LYN: variants seen among roughly 807,000 people sequenced by gnomAD.
The protein encoded by LYN is tyrosine-protein kinase Lyn.
A neutral mutation model predicts 65.0 loss-of-function variants in LYN; 12 were observed. The ratio of observed to expected loss-of-function variants is 0.18; its 90% CI spans 0.12 to 0.30. LYN has a LOEUF of 0.30. LYN is among the 10% of genes least tolerant of loss of function. The probability of loss-of-function intolerance (pLI) is 1.00; values close to 1 mark genes in which losing one functional copy is unlikely to be tolerated. For missense variants in LYN, 380 were observed against 623.2 expected, an observed-to-expected ratio of 0.61 and a Z score of 4.16; for synonymous variants, 222 against 221.2, an observed-to-expected ratio of 1.00 and a Z score of -0.03.
chr8:55,881,983 G>T (rs191169326), intron 1 of LYN, among the ~76,000 whole-genome samples: 2 of 152,178 alleles, frequency 1.3e-5, no homozygotes, highest in Non-Finnish European at 2.9e-5. Flanking sequence ...AAATAGAGCT[G>T]GTCCCTAAGG....
At chr8:55,960,397 TAGA>T (rs1271144351) in intron 8 of LYN, among the ~76,000 whole-genome samples, 1 of 152,006 alleles carries the variant, frequency 6.6e-6, no homozygotes, top group East Asian at 1.9e-4. Flanking sequence ...GAAAAGAAAA[TAGA>T]AGAGAAAAAA....
At chr8:55,997,986 A>G (rs1297844369) in intron 10 of LYN, among the ~76,000 whole-genome samples, 1 of 152,190 alleles carries the variant, frequency 6.6e-6, no homozygotes, top group Non-Finnish European at 1.5e-5. Context: ...CGGGAGGCTG[A>G]GGCAGGAGAA....
chr8:55,904,239 C>T (rs1371584648), intron 1 of LYN, among the ~76,000 whole-genome samples: 4 of 152,082 alleles, frequency 2.6e-5, no homozygotes, highest in African/African-American at 9.7e-5. Flanking sequence ...TAAATACCAA[C>T]ATTTTCTTTA....
intron 8 of LYN, among the ~76,000 whole-genome samples, chr8:55,965,002 T>C (rs1272672700): frequency 6.6e-6 from 1 of 151,404 alleles, no homozygotes; most frequent in Non-Finnish European, 1.5e-5. Context: ...AGATTTGCAG[T>C]GACACCAGCA....
chr8:55,886,241 C>CTTTCT (rs1804788141), intron 1 of LYN, among the ~76,000 whole-genome samples: 1 of 133,456 alleles, frequency 7.5e-6, no homozygotes, highest in Admixed American at 7.8e-5. Context: ...TGTCAAACAT[C>CTTTCT]TTTTTTTTTT....
intron 1 of LYN, among the ~76,000 whole-genome samples, chr8:55,912,651 T>C (rs764102106): frequency 1.2e-4 from 18 of 150,214 alleles, no homozygotes; most frequent in Non-Finnish European, 2.7e-4. Flanking sequence ...CTCTTGAACC[T>C]GGGAGGCAGA....
chr8:55,895,772 T>G (rs1262494497), intron 1 of LYN: 4 of 152,214 alleles, frequency 2.6e-5, no homozygotes, highest in Non-Finnish European at 5.9e-5. Context: ...ATCCAGTTGT[T>G]GCAAGGATTA....
chr8:56,010,115 C>A lies in LYN; in HGVS notation c.*5C>A. On this transcript the variant is annotated 3_prime_UTR_variant, in exon 13 of 13. Coordinates refer to ENST00000519728, the MANE Select transcript of LYN (RefSeq NM_002350.4). ...CAATACCAGCAGCAGCCTTAGAGCACAGGGAGACCCGTCCATTTGGCAGGG... is the reference window on the plus strand; with the variant it reads ...CAATACCAGCAGCAGCCTTAGAGCAAAGGGAGACCCGTCCATTTGGCAGGG... The A allele has an allele frequency of 6.2e-7, 1 of 1,614,010 alleles. No homozygotes were observed. The highest frequency in any genetic ancestry group is 8.5e-7 in the Non-Finnish European group (1 of 1,179,894).
At chr8:55,945,259 T>C (rs1374037738) in intron 2 of LYN, among the ~76,000 whole-genome samples, 2 of 152,272 alleles carry the variant, frequency 1.3e-5, no homozygotes, top group Non-Finnish European at 2.9e-5. Flanking sequence ...TTTTTGAAAT[T>C]TGAAAAATCA....
At chr8:55,973,851 C>T (rs2667984) in intron 10 of LYN, among the ~76,000 whole-genome samples, 30,451 of 152,128 alleles carry the variant, frequency 0.2, 3,341 homozygotes, top group Middle Eastern at 0.26. Context: ...GAGGCTGAAA[C>T]GGGAGGATTG....
Position 55,950,577 on chromosome 8 carries a change from C to A in LYN, c.383+20C>A. On this transcript the variant is annotated intron_variant, in intron 5 of 12. Coordinates refer to ENST00000519728, the MANE Select transcript of LYN (RefSeq NM_002350.4). ...AGAAGAGTGAGTCCTCATGTGTTGT[C>A]ATCTTGGTGGCTTTATTTGCCACAT... 1 of 1,603,082 alleles carries A rather than the reference C, an allele frequency of 6.2e-7. No homozygotes were observed. Among genetic ancestry groups the A allele is most frequent in the Non-Finnish European group, 8.5e-7 (1 of 1,170,414 alleles).
chr8:55,886,023 C>T (rs1363757006), intron 1 of LYN, among the ~76,000 whole-genome samples: 1 of 152,146 alleles, frequency 6.6e-6, no homozygotes, highest in Non-Finnish European at 1.5e-5. Context: ...CGAAGCCCAC[C>T]CTGGCCATGC....
chr8:55,902,389 G>A (rs184422597), intron 1 of LYN, among the ~76,000 whole-genome samples: 5 of 148,696 alleles, frequency 3.4e-5, no homozygotes, highest in African/African-American at 1.2e-4. Flanking sequence ...GTGCAGTGGC[G>A]TGAATTCAGC....
chr8:55,881,528 G>A (rs990654862), intron 1 of LYN, among the ~76,000 whole-genome samples: 1 of 152,170 alleles, frequency 6.6e-6, no homozygotes, highest in African/African-American at 2.4e-5. Flanking sequence ...GCAGGTAAGC[G>A]CTTTGAGGCC....
chr8:56,003,161 G>A (rs1808573256), intron 12 of LYN, among the ~76,000 whole-genome samples: 2 of 150,844 alleles, frequency 1.3e-5, no homozygotes, highest in South Asian at 2.1e-4. Flanking sequence ...CCGGGTTCAC[G>A]CCGTTCTCTT....
intron 1 of LYN, among the ~76,000 whole-genome samples, chr8:55,931,520 G>A (rs1806270660): frequency 6.6e-6 from 1 of 151,660 alleles, no homozygotes; most frequent in South Asian, 2.1e-4. Context: ...ATTTGCAAGG[G>A]CAAAACCAAA....
intron 7 of LYN, among the ~76,000 whole-genome samples, 181 bp downstream of exon 7, chr8:55,952,296 C>T (rs927764655): frequency 5.3e-5 from 8 of 152,142 alleles, no homozygotes; most frequent in Admixed American, 3.3e-4. Flanking sequence ...CAGTGGCTCA[C>T]GCCTGTAATC....
intron 1 of LYN, among the ~76,000 whole-genome samples, chr8:55,896,748 A>G (rs57735433): frequency 0.075 from 11,355 of 151,978 alleles, 582 homozygotes; most frequent in African/African-American, 0.14. Context: ...TTATTTATTT[A>G]TTTATTTAGA....
intron 1 of LYN, among the ~76,000 whole-genome samples, chr8:55,922,188 A>G (rs1296095641): frequency 6.6e-6 from 1 of 152,130 alleles, no homozygotes; most frequent in Non-Finnish European, 1.5e-5. Flanking sequence ...CCCAGACACA[A>G]GCAATTCTCT....
Sources: allele counts gnomAD v4.1 joint callset (sites outside exome capture counted in the v4.1 genomes callset), GRCh38; gene constraint gnomAD v4.1.1; transcripts MANE v1.5; gene names NCBI Gene and HGNC (gene_info 2026-07-23, HGNC 2026-07-21).